Variants in ZNF654 observed in about 807,000 individuals in gnomAD.
ZNF654 encodes zinc finger protein 654.
In ZNF654, 19 loss-of-function variants were observed where a neutral mutation model predicts 95.3. The observed-to-expected ratio is 0.20, with a 90% confidence interval of 0.14 to 0.29. The LOEUF is 0.29. Among genes scored for constraint, ZNF654 ranks in the 10% least tolerant of loss-of-function variants. The pLI is 1.00. For missense variants in ZNF654, 1,046 were observed against 1,341.0 expected (o/e 0.78, Z 3.44); for synonymous variants, 413 against 457.9 (o/e 0.90, Z 1.25).
chr3:88,100,040 C>T (rs1324704182), intron 2 of ZNF654, among the ~76,000 whole-genome samples: 1 of 152,168 alleles, frequency 6.6e-6, no homozygotes, highest in Non-Finnish European at 1.5e-5. Context: ...AACAGGCAAC[C>T]TGCAGAATGG....
intron 3 of ZNF654, among the ~76,000 whole-genome samples, chr3:88,120,448 G>C (rs1160124986): frequency 6.6e-6 from 1 of 152,156 alleles, no homozygotes; most frequent in East Asian, 1.9e-4. Flanking sequence ...AGAAACTTTA[G>C]TTTGGTGATC....
At chr3:88,065,197 A>G (rs1406093034) in intron 1 of ZNF654, among the ~76,000 whole-genome samples, 1 of 152,184 alleles carries the variant, frequency 6.6e-6, no homozygotes, top group Non-Finnish European at 1.5e-5. Flanking sequence ...AAAGACATCA[A>G]CTCGTTTATT....
chr3:88,130,007 GC>G (rs879680896), intron 6 of ZNF654, among the ~76,000 whole-genome samples, 181 bp downstream of exon 6: 2 of 152,290 alleles, frequency 1.3e-5, no homozygotes, highest in Non-Finnish European at 2.9e-5. Flanking sequence ...ATGATAATGT[GC>G]CACTAAACTG....
chr3:88,105,364 A>T (rs1487622186), intron 2 of ZNF654, among the ~76,000 whole-genome samples: 9 of 152,100 alleles, frequency 5.9e-5, no homozygotes, highest in Non-Finnish European at 1.3e-4. Context: ...TTTACAATTT[A>T]TGGTATTCTG....
At position 88,135,167 on chromosome 3, in the gene ZNF654, G is replaced by A. The variant is rs1260268518; in HGVS notation, c.1000G>A (p.Val334Ile). 2.0e-6 allele frequency: 3 copies of A among 1,481,764 alleles called. No individual in the cohort carries two copies. The highest frequency in any genetic ancestry group is 2.7e-6 in the Non-Finnish European group (3 of 1,122,400). The allele number at this position is 1,481,764 out of a possible 1,614,324, so 91.8% of individuals were successfully genotyped here. The stretch of plus-strand genomic sequence containing the variant: ...TTTAAGAACAGCAACTAATGTGAGA[G>A]TCATATTTCCTTTCATGAAAATCAT... ...QLLRTATNVR[V>I]IFPFMKIIKD... Residue 334 changes from valine to isoleucine, a missense_variant, in exon 7 of 9, where the codon GTC (valine) becomes ATC (isoleucine). Around this residue, in one of 9 missense-constraint regions of ZNF654, gnomAD observed 121 missense variants for 141.7 expected, o/e 0.85. Coordinates refer to ENST00000636215, the MANE Select transcript of ZNF654 (RefSeq NM_001350134.2).
At chr3:88,119,346 G>A (rs1333310748) in intron 3 of ZNF654, among the ~76,000 whole-genome samples, 3 of 123,212 alleles carry the variant, frequency 2.4e-5, no homozygotes, top group African/African-American at 6.2e-5. Flanking sequence ...GAGAACACAT[G>A]GACATAGGAA....
chr3:88,124,715 T>C (rs77103254), intron 3 of ZNF654, among the ~76,000 whole-genome samples: 1,561 of 152,280 alleles, frequency 0.01, 26 homozygotes, highest in African/African-American at 0.035. Context: ...AGAGATTTTG[T>C]GAGCACAGAA....
chr3:88,077,526 G>A (rs1392402185), intron 1 of ZNF654, among the ~76,000 whole-genome samples: 1 of 151,680 alleles, frequency 6.6e-6, no homozygotes, highest in Admixed American at 6.6e-5. Flanking sequence ...TAGTAGAGAC[G>A]GGGTTTCCCT....
At chr3:88,116,775 C>G (rs1705434026) in intron 3 of ZNF654, among the ~76,000 whole-genome samples, 2 of 152,118 alleles carry the variant, frequency 1.3e-5, no homozygotes, top group South Asian at 2.1e-4. Flanking sequence ...CTGAAGCATC[C>G]TCTTTACTCT....
rs544837861 is a variant in ZNF654, at chr3:88,106,796, G to T, written c.333-6319G>T. On this transcript the variant is annotated intron_variant, in intron 2 of 8. Transcript: ENST00000636215. ...TAGTTAAACATTTCTCAGTAACCAA[G>T]TTATATGAGGATTTTTTTTTCTGAT... Among the ~76,000 whole-genome samples the T allele has an allele frequency of 3.9e-4, 60 of 152,178 alleles. No individual in the cohort carries two copies. In the South Asian group the frequency reaches 0.012, roughly 31 times the overall value.
chr3:88,121,039 C>T (rs1275504370), intron 3 of ZNF654, among the ~76,000 whole-genome samples: 12 of 151,862 alleles, frequency 7.9e-5, no homozygotes, highest in African/African-American at 2.2e-4. Context: ...CACCATGGTA[C>T]GTGTATACCT....
intron 2 of ZNF654, among the ~76,000 whole-genome samples, chr3:88,105,474 T>C (rs550674534): frequency 6.6e-6 from 1 of 152,312 alleles, no homozygotes; most frequent in East Asian, 1.9e-4. Flanking sequence ...CTGTTATAAA[T>C]AGTGCTATGA....
intron 1 of ZNF654, among the ~76,000 whole-genome samples, chr3:88,059,984 C>T (rs1344155960): frequency 6.6e-6 from 1 of 151,976 alleles, no homozygotes; most frequent in African/African-American, 2.4e-5. Flanking sequence ...TGCCACTGTT[C>T]CCCCTCTTCT....
intron 1 of ZNF654, among the ~76,000 whole-genome samples, chr3:88,065,065 T>G (rs1340936318): frequency 1.3e-5 from 2 of 152,248 alleles, no homozygotes; most frequent in African/African-American, 4.8e-5. Flanking sequence ...TAAATTTAAT[T>G]GCATTGATGC....
chr3:88,139,710 A>C lies in ZNF654; in HGVS notation c.2041A>C (p.Ser681Arg), dbSNP rs1465281327. ...TATTGAAAATGTTATTGAAAATGGC[A>C]GTCCTAATAATTCTTTAAATAATGT... ...DVIENVIENG[S>R]PNNSLNNVFK... Residue 681 changes from serine (S) to arginine (R), a missense_variant, in exon 8 of 9, where the codon AGT becomes CGT. This residue lies in a region of ZNF654 where 495 missense variants were observed against 537.0 expected (regional missense o/e 0.92). Transcript: ENST00000636215. 1 of 1,570,904 alleles carries C rather than the reference A, an allele frequency of 6.4e-7. No individual in the cohort carries two copies.
At chr3:88,099,648 C>T (rs1375053269) in intron 2 of ZNF654, among the ~76,000 whole-genome samples, 1 of 152,114 alleles carries the variant, frequency 6.6e-6, no homozygotes, top group Admixed American at 6.6e-5. Context: ...TGGAACAGGA[C>T]AGAGCCCTCA....
chr3:88,116,720 C>T (rs1453930426), intron 3 of ZNF654, among the ~76,000 whole-genome samples: 1 of 152,056 alleles, frequency 6.6e-6, no homozygotes, highest in African/African-American at 2.4e-5. Context: ...AGCCCCATTA[C>T]CCAGAGGTAA....
intron 1 of ZNF654, among the ~76,000 whole-genome samples, chr3:88,068,771 T>A (rs1707340485): frequency 6.6e-6 from 1 of 152,196 alleles, no homozygotes; most frequent in Non-Finnish European, 1.5e-5. Flanking sequence ...TATTCTCATT[T>A]TTATAGGTCA....
At chr3:88,066,365 G>C (rs555457931) in intron 1 of ZNF654, among the ~76,000 whole-genome samples, 5 of 152,260 alleles carry the variant, frequency 3.3e-5, no homozygotes, top group Non-Finnish European at 7.4e-5. Context: ...CTTGAGCTCA[G>C]GAGTTCGATA....
Sources: allele counts gnomAD v4.1 joint callset (sites outside exome capture counted in the v4.1 genomes callset), GRCh38; gene constraint gnomAD v4.1.1; regional missense constraint gnomAD v4.1.1; transcripts MANE v1.5; gene names NCBI Gene and HGNC (gene_info 2026-07-23, HGNC 2026-07-21).